MIPOL1: variants seen among roughly 807,000 people sequenced by gnomAD.
The protein encoded by MIPOL1 is mirror-image polydactyly gene 1 protein.
A neutral mutation model predicts 60.9 loss-of-function variants in MIPOL1; 57 were observed. The observed-to-expected ratio is 0.94, with a 90% CI of 0.76 to 1.17. MIPOL1 has a LOEUF of 1.17. Ranked by LOEUF, MIPOL1 falls within the 50% of genes most tolerant of loss-of-function variation. MIPOL1 has a pLI of 0.00. For missense variants in MIPOL1, 551 were observed against 511.6 expected (o/e 1.08, Z -0.74); for synonymous variants, 179 against 168.8 (o/e 1.06, Z -0.47).
intron 11 of MIPOL1, among the ~76,000 whole-genome samples, chr14:37,436,242 G>C (rs1420900430): frequency 6.6e-6 from 1 of 152,116 alleles, no homozygotes; most frequent in African/African-American, 2.4e-5. Context: ...TCTGTGACTG[G>C]TTAGAGATGA....
intron 11 of MIPOL1, among the ~76,000 whole-genome samples, chr14:37,470,158 T>C (rs570752214): frequency 2.6e-5 from 4 of 152,268 alleles, no homozygotes; most frequent in East Asian, 3.9e-4. Flanking sequence ...ATGAGTTCAA[T>C]TTTAGACATT....
intron 4 of MIPOL1, 145 bp downstream of exon 4, chr14:37,267,314 C>G: frequency 1.7e-6 from 1 of 596,358 alleles, no homozygotes. Flanking sequence ...ATGGTGAAAC[C>G]CTGTCTCTAC....
At chr14:37,246,172 G>T (rs1382971796) in intron 1 of MIPOL1, among the ~76,000 whole-genome samples, 1 of 151,994 alleles carries the variant, frequency 6.6e-6, no homozygotes, top group African/African-American at 2.4e-5. Flanking sequence ...GCATAGTTTA[G>T]TTATTATCCA....
intron 9 of MIPOL1, among the ~76,000 whole-genome samples, chr14:37,353,064 T>G (rs1445804344): frequency 7.7e-6 from 1 of 129,784 alleles, no homozygotes; most frequent in Non-Finnish European, 1.6e-5. Context: ...GCTCTTATTA[T>G]TTTGAAATAT....
intron 11 of MIPOL1, among the ~76,000 whole-genome samples, chr14:37,440,959 G>A (rs947480950): frequency 6.6e-6 from 1 of 152,128 alleles, no homozygotes; most frequent in Non-Finnish European, 1.5e-5. Context: ...ATTCTGAGTG[G>A]TGTCAATGAG....
intron 11 of MIPOL1, among the ~76,000 whole-genome samples, chr14:37,439,554 C>G (rs2094210931): frequency 6.6e-6 from 1 of 151,996 alleles, no homozygotes; most frequent in African/African-American, 2.4e-5. Flanking sequence ...TCTTAAAAGC[C>G]TAAATACATT....
At chr14:37,287,731 G>T (rs1162166207) in intron 7 of MIPOL1, among the ~76,000 whole-genome samples, 1 of 151,720 alleles carries the variant, frequency 6.6e-6, no homozygotes, top group Admixed American at 6.6e-5. Flanking sequence ...TAACAAATGA[G>T]ACTGAAAAAA....
intron 11 of MIPOL1, among the ~76,000 whole-genome samples, chr14:37,438,076 C>T (rs2094190379): frequency 6.6e-6 from 1 of 151,996 alleles, no homozygotes; most frequent in African/African-American, 2.4e-5. Context: ...AAATGGCATG[C>T]TTGAACTTAG....
At chr14:37,305,583 C>T (rs1227469134) in intron 7 of MIPOL1, among the ~76,000 whole-genome samples, 1 of 151,672 alleles carries the variant, frequency 6.6e-6, no homozygotes, top group East Asian at 1.9e-4. Flanking sequence ...CTACTTGAGA[C>T]TAAATTATGA....
chr14:37,527,766 A>T (rs550655498), intron 12 of MIPOL1, among the ~76,000 whole-genome samples: 1 of 152,264 alleles, frequency 6.6e-6, no homozygotes, highest in East Asian at 1.9e-4. Context: ...GAACAATAAA[A>T]TAACATCTTT....
intron 9 of MIPOL1, among the ~76,000 whole-genome samples, chr14:37,348,916 C>T (rs1300550709): frequency 6.7e-6 from 1 of 150,110 alleles, no homozygotes; most frequent in African/African-American, 2.5e-5. Flanking sequence ...GCAACCTCTG[C>T]CTCCTGTGTT....
At chr14:37,451,144 A>G (rs1450800586) in intron 11 of MIPOL1, among the ~76,000 whole-genome samples, 2 of 152,140 alleles carry the variant, frequency 1.3e-5, no homozygotes, top group African/African-American at 2.4e-5. Flanking sequence ...ATCAAGATTG[A>G]TATTTTCTAT....
intron 12 of MIPOL1, among the ~76,000 whole-genome samples, chr14:37,508,400 A>C (rs914468533): frequency 6.6e-6 from 1 of 152,176 alleles, no homozygotes; most frequent in African/African-American, 2.4e-5. Context: ...TGTATACTGA[A>C]ATTGTTCTTC....
chr14:37,257,013 G>A (rs773156675), intron 3 of MIPOL1, among the ~76,000 whole-genome samples: 1 of 151,476 alleles, frequency 6.6e-6, no homozygotes, highest in Non-Finnish European at 1.5e-5. Context: ...TAGTTTAGCA[G>A]TTACAGTTGA....
At chr14:37,305,444 G>A (rs1187804482) in intron 7 of MIPOL1, among the ~76,000 whole-genome samples, 1 of 151,744 alleles carries the variant, frequency 6.6e-6, no homozygotes, top group Non-Finnish European at 1.5e-5. Flanking sequence ...ATCACTTATT[G>A]TGTATGGCTG....
At position 37,500,093 on chromosome 14, in the gene MIPOL1, A is replaced by T. The variant is rs1343876059; in HGVS notation, c.1217A>T (p.Gln406Leu). The change falls in exon 12 of 13, where the codon CAA (glutamine) becomes CTA (leucine). Residue 406 changes from glutamine to leucine, a missense_variant. By Grantham distance (113) the Gln-to-Leu change is moderately radical. Coordinates refer to ENST00000684589, the MANE Select transcript of MIPOL1 (RefSeq NM_001388067.1). ...TERANMELQL[Q>L]HAREASQVAN... ...CGAGCAAATATGGAATTACAACTTC[A>T]ACATGCCAGAGAGGCCTCCCAAGTG... 1 of 1,613,792 alleles carries T rather than the reference A, an allele frequency of 6.2e-7. No individual in the cohort carries two copies. Among genetic ancestry groups the T allele is most frequent in the East Asian group, 2.2e-5 (1 of 44,858 alleles).
intron 11 of MIPOL1, among the ~76,000 whole-genome samples, chr14:37,499,203 GA>G (rs1285367299): frequency 6.6e-6 from 1 of 151,992 alleles, no homozygotes; most frequent in Non-Finnish European, 1.5e-5. Context: ...ACATATCAAA[GA>G]TTTGACCTTT....
chr14:37,419,848 C>G (rs1417317162), intron 10 of MIPOL1, among the ~76,000 whole-genome samples: 1 of 151,824 alleles, frequency 6.6e-6, no homozygotes, highest in East Asian at 1.9e-4. Flanking sequence ...TCAAGCAATC[C>G]TCCTGCCTCA....
chr14:37,359,854 A>G (rs9743535), intron 9 of MIPOL1, among the ~76,000 whole-genome samples: 46,254 of 152,034 alleles, frequency 0.3, 7,241 homozygotes, highest in East Asian at 0.46. Flanking sequence ...TTCCAACACT[A>G]TGTTAAATAG....
Sources: gnomAD v4.1 joint callset for allele counts (sites outside exome capture counted in the v4.1 genomes callset) on GRCh38, gnomAD v4.1.1 for gene constraint, MANE v1.5 for transcripts, NCBI Gene and HGNC (gene_info 2026-07-23, HGNC 2026-07-21) for gene names.